The following TMEM38A variants were observed in gnomAD, a reference collection of about 807,000 sequenced individuals.
The protein encoded by TMEM38A is trimeric intracellular cation channel type A.
Under a neutral mutation model 28.6 loss-of-function variants are expected in TMEM38A, and 17 were observed. The ratio of observed to expected loss-of-function variants is 0.60; its 90% CI spans 0.41 to 0.89. The LOEUF is 0.89. Among genes scored for constraint, TMEM38A ranks in the 40% least tolerant of loss-of-function variants. TMEM38A has a pLI of 0.00. For synonymous variants in TMEM38A, 169 were observed against 166.1 expected, an observed-to-expected ratio of 1.02 and a Z score of -0.14; for missense variants, 328 against 393.1, an observed-to-expected ratio of 0.83 and a Z score of 1.40.
chr19:16,667,333 A>G (rs994769751), intron 1 of TMEM38A, among the ~76,000 whole-genome samples: 1 of 152,162 alleles, frequency 6.6e-6, no homozygotes, highest in East Asian at 1.9e-4. Context: ...GCTCTGCCCA[A>G]TGAGAGTCTG....
At chr19:16,666,303 G>A (rs2086702937) in intron 1 of TMEM38A, among the ~76,000 whole-genome samples, 2 of 151,800 alleles carry the variant, frequency 1.3e-5, no homozygotes, top group Admixed American at 1.3e-4. Flanking sequence ...TTTTAGTAGA[G>A]ATGAGTTTTC....
chr19:16,668,760 T>G (rs1458788396), intron 1 of TMEM38A, among the ~76,000 whole-genome samples: 1 of 152,160 alleles, frequency 6.6e-6, no homozygotes, highest in Non-Finnish European at 1.5e-5. Context: ...AATATGCATT[T>G]AAGGTTCCTC....
intron 5 of TMEM38A, among the ~76,000 whole-genome samples, 181 bp downstream of exon 5, chr19:16,686,586 C>A (rs2086803021): frequency 6.6e-6 from 1 of 152,024 alleles, no homozygotes; most frequent in Non-Finnish European, 1.5e-5. Context: ...GTCCAGCAGC[C>A]AGGACACAGA....
Position 16,661,452 on chromosome 19 carries a change from G to T in TMEM38A, c.124+111G>T. On this transcript the variant is annotated intron_variant, in intron 1 of 5. Transcript: ENST00000187762. This position sits in a 1 kb window ranked among gnomAD's most constrained non-coding sequence, Gnocchi z 6.5. ...TGCGTGGTGGAGGGAGCGAGGGACA[G>T]GTTCAAGGATTGCATCGTGGGAGTA... is the stretch of plus-strand genomic sequence containing the variant. The T allele has an allele frequency of 1.0e-6, 1 of 982,244 alleles. No homozygotes were observed. The highest frequency in any genetic ancestry group is 3.4e-5 in the East Asian group (1 of 29,530). 60.8% of individuals were successfully genotyped at this position (982,244 alleles called of 1,614,324 possible). A position where few individuals can be genotyped will look rare whatever the true frequency, so the allele number is the denominator to read the frequency against.
intron 1 of TMEM38A, among the ~76,000 whole-genome samples, chr19:16,668,161 A>T (rs2086711341): frequency 6.6e-6 from 1 of 151,812 alleles, no homozygotes; most frequent in South Asian, 2.1e-4. Context: ...GTGAGCAGAG[A>T]TCATGCCATT....
intron 1 of TMEM38A, among the ~76,000 whole-genome samples, chr19:16,678,551 G>C (rs1336364301): frequency 6.6e-6 from 1 of 151,774 alleles, no homozygotes; most frequent in Admixed American, 6.6e-5. Flanking sequence ...CTTGAGCCCA[G>C]GAGTTTGAGA....
chr19:16,669,978 TA>T (rs200774773), intron 1 of TMEM38A, among the ~76,000 whole-genome samples: 1,544 of 152,130 alleles, frequency 0.01, 26 homozygotes, highest in African/African-American at 0.035. Flanking sequence ...TTTATTATTT[TA>T]TTTTTTTGAG....
At chr19:16,680,668 A>T (rs1313058014) in intron 3 of TMEM38A, 87 bp downstream of exon 3, 2 of 1,401,860 alleles carry the variant, frequency 1.4e-6, no homozygotes, top group Non-Finnish European at 2.0e-6. Context: ...TAGGAAAGCC[A>T]TTGCTCCAGG....
At chr19:16,663,610 G>T (rs2086691575) in intron 1 of TMEM38A, among the ~76,000 whole-genome samples, 1 of 151,150 alleles carries the variant, frequency 6.6e-6, no homozygotes, top group East Asian at 2.0e-4. Context: ...CTCACTGCAA[G>T]CTCCGCCTCC....
intron 1 of TMEM38A, among the ~76,000 whole-genome samples, chr19:16,675,346 A>C (rs1017363311): frequency 1.3e-5 from 2 of 151,652 alleles, no homozygotes; most frequent in African/African-American, 4.8e-5. Context: ...TGGTCCTCCC[A>C]CCTCAGAAGT....
At chr19:16,679,371 C>T (rs2086769533) in intron 1 of TMEM38A, among the ~76,000 whole-genome samples, 1 of 151,550 alleles carries the variant, frequency 6.6e-6, no homozygotes, top group Non-Finnish European at 1.5e-5. Context: ...AATCTCAGCT[C>T]ACTGCAGCCT....
At chr19:16,678,791 TAAA>T (rs2086764529) in intron 1 of TMEM38A, among the ~76,000 whole-genome samples, 3 of 110,380 alleles carry the variant, frequency 2.7e-5, no homozygotes, top group African/African-American at 1.1e-4. Context: ...AAAAAAAAAG[TAAA>T]GTGATAAATT....
intron 1 of TMEM38A, among the ~76,000 whole-genome samples, chr19:16,675,990 A>T (rs555223360): frequency 1.3e-5 from 2 of 152,238 alleles, no homozygotes; most frequent in South Asian, 4.1e-4. Context: ...TCCACAACAG[A>T]CACTCTTTCT....
intron 1 of TMEM38A, among the ~76,000 whole-genome samples, chr19:16,668,870 C>G (rs2086714804): frequency 6.6e-6 from 1 of 150,542 alleles, no homozygotes; most frequent in South Asian, 2.1e-4. Context: ...CTCTTGTTAC[C>G]CAGGCTGGAG....
At chr19:16,668,585 C>T (rs555489054) in intron 1 of TMEM38A, among the ~76,000 whole-genome samples, 1 of 152,018 alleles carries the variant, frequency 6.6e-6, no homozygotes, top group South Asian at 2.1e-4. Flanking sequence ...GGAGATCCAC[C>T]TGCCTTGGCT....
In TMEM38A at chr19:16,682,443, C is replaced by T. The variant is rs200971736; in HGVS notation, c.489C>T (p.Ser163=). The change falls in exon 4 of 6, where the codon TCC becomes TCT. Residue 163 remains serine, a synonymous_variant. Transcript: ENST00000187762. ...WVKGSGVALM[S]NFEQLLRGVW... Reference sequence around the variant, plus strand: ...TAGGTTCTGGTGTCGCCCTCATGTCCAACTTTGAGCAGCTGCTCCGAGGGG... The same window carrying T: ...TAGGTTCTGGTGTCGCCCTCATGTCTAACTTTGAGCAGCTGCTCCGAGGGG... 1.8e-4 allele frequency: 296 copies of T among 1,613,862 alleles called. No individual in the cohort carries two copies. The highest frequency in any genetic ancestry group is 2.8e-4 in the Admixed American group (17 of 59,958).
At chr19:16,665,445 G>A (rs2086698907) in intron 1 of TMEM38A, among the ~76,000 whole-genome samples, 2 of 151,750 alleles carry the variant, frequency 1.3e-5, no homozygotes, top group African/African-American at 2.4e-5. Flanking sequence ...AGCCATGATC[G>A]TGCCACTGCA....
intron 1 of TMEM38A, among the ~76,000 whole-genome samples, chr19:16,666,968 A>G (rs1183251146): frequency 6.8e-6 from 1 of 146,494 alleles, no homozygotes; most frequent in Admixed American, 6.8e-5. Context: ...AAAAAAAAAG[A>G]AAAGAAATGC....
At chr19:16,669,276 G>A (rs1476488761) in intron 1 of TMEM38A, among the ~76,000 whole-genome samples, 1 of 148,880 alleles carries the variant, frequency 6.7e-6, no homozygotes, top group Admixed American at 6.8e-5. Flanking sequence ...GTGTGATCTC[G>A]GCTCACTGCA....
Sources: gnomAD v4.1 joint callset for allele counts (sites outside exome capture counted in the v4.1 genomes callset) on GRCh38, gnomAD v4.1.1 for gene constraint, Gnocchi (gnomAD v3.1) non-coding constraint, MANE v1.5 for transcripts, NCBI Gene and HGNC (gene_info 2026-07-23, HGNC 2026-07-21) for gene names.